RAB3C: variants seen among roughly 807,000 people sequenced by gnomAD.
RAB3C encodes RAB3C, member RAS oncogene family, also known as ras-related protein Rab-3C.
In RAB3C, 17 loss-of-function variants were observed where a neutral mutation model predicts 26.4. That is an observed-to-expected ratio of 0.64 (90% CI 0.44 to 0.97). The LOEUF (loss-of-function observed/expected upper bound fraction) is 0.97. Among genes scored for constraint, RAB3C ranks in the 50% least tolerant of loss-of-function variants. The pLI is 0.00. For missense variants in RAB3C, 242 were observed against 281.9 expected, an observed-to-expected ratio of 0.86 and a Z score of 1.01; for synonymous variants, 91 against 95.9, an observed-to-expected ratio of 0.95 and a Z score of 0.30.
intron 3 of RAB3C, among the ~76,000 whole-genome samples, chr5:58,739,466 C>A (rs77311750): frequency 1.3e-5 from 2 of 152,014 alleles, no homozygotes; most frequent in Non-Finnish European, 2.9e-5. Flanking sequence ...AGATAATTAT[C>A]CTAGTTATCA....
In RAB3C at chr5:58,844,405, C is replaced by T. The variant is rs945152070; in HGVS notation, c.497-6759C>T. Among the ~76,000 whole-genome samples the T allele has an allele frequency of 1.1e-4, 16 of 152,318 alleles. 1 individual carries two copies. The East Asian group carries it at 3.1e-3, about 29-fold the overall frequency. ...ACTAGCCTTTGGTTGAGCTCCTATT[C>T]TTGCTTTTCTACAGCTTTGGTCTGC... On this transcript the variant is annotated intron_variant, in intron 4 of 4. Coordinates refer to ENST00000282878, the MANE Select transcript of RAB3C (RefSeq NM_138453.4).
At chr5:58,739,034 A>G (rs1414991113) in intron 3 of RAB3C, among the ~76,000 whole-genome samples, 1 of 152,244 alleles carries the variant, frequency 6.6e-6, no homozygotes, top group Non-Finnish European at 1.5e-5. Flanking sequence ...GGTGGGCATT[A>G]TAATGATTGC....
Position 58,699,193 on chromosome 5 carries a change from G to A in RAB3C, c.253-26809G>A, listed in dbSNP as rs546479806. On this transcript the variant is annotated intron_variant, in intron 2 of 4. Transcript: ENST00000282878. ...CTTATAACAGTCAGGTTCCTCAGCT[G>A]CAGGTCTGTTGGAGTTTGCTGGAGT... 1.8e-4 allele frequency among the ~76,000 whole-genome samples: 27 copies of A among 152,302 alleles called. 1 individual carries two copies. The East Asian group carries it at 2.9e-3, about 16-fold the overall frequency.
chr5:58,766,718 A>G (rs908289025), intron 3 of RAB3C, among the ~76,000 whole-genome samples: 3 of 152,158 alleles, frequency 2.0e-5, no homozygotes, highest in Non-Finnish European at 4.4e-5. Context: ...GTAGGTAGAT[A>G]GAGCTCAGCT....
chr5:58,660,957 G>A (rs1225536463), intron 2 of RAB3C, among the ~76,000 whole-genome samples: 2 of 149,612 alleles, frequency 1.3e-5, no homozygotes, highest in South Asian at 2.1e-4. Flanking sequence ...AGGAGCACAT[G>A]CAAATTAGGT....
rs140954783 is a variant in RAB3C at position 58,724,735 on chromosome 5, G to A, written c.253-1267G>A. 1.3e-3 allele frequency among the ~76,000 whole-genome samples: 192 copies of A among 151,088 alleles called. 1 individual carries two copies. The highest frequency in any genetic ancestry group is 3.6e-3 in the Admixed American group (55 of 15,108). Reference sequence around the variant, plus strand: ...AGAACTGCAATATAAAAATCATTAGGACATAAAAGTGGTTTAAAAGAGGTA... The same window carrying A: ...AGAACTGCAATATAAAAATCATTAGAACATAAAAGTGGTTTAAAAGAGGTA... On this transcript the variant is annotated intron_variant, in intron 2 of 4. Transcript: ENST00000282878.
chr5:58,809,704 G>C (rs1291988503), intron 3 of RAB3C, among the ~76,000 whole-genome samples: 1 of 152,124 alleles, frequency 6.6e-6, no homozygotes, highest in East Asian at 1.9e-4. Context: ...ACACACCACT[G>C]TGGGATTAGT....
chr5:58,716,148 A>T (rs867913475), intron 2 of RAB3C, among the ~76,000 whole-genome samples: 3 of 151,918 alleles, frequency 2.0e-5, no homozygotes, highest in Non-Finnish European at 4.4e-5. Context: ...AGAATAGACA[A>T]GTAAGATGAG....
intron 2 of RAB3C, among the ~76,000 whole-genome samples, chr5:58,630,774 A>T (rs1193620470): frequency 1.3e-5 from 2 of 152,256 alleles, no homozygotes; most frequent in Non-Finnish European, 2.9e-5. Flanking sequence ...TTTCAATACC[A>T]CTGCTCTAGA....
chr5:58,665,411 G>C (rs1561282872), intron 2 of RAB3C, among the ~76,000 whole-genome samples: 1 of 152,122 alleles, frequency 6.6e-6, no homozygotes, highest in Non-Finnish European at 1.5e-5. Context: ...ACTTCTTTCA[G>C]TTGCAATATA....
At chr5:58,844,491 AG>A (rs752726111) in intron 4 of RAB3C, among the ~76,000 whole-genome samples, 2 of 152,128 alleles carry the variant, frequency 1.3e-5, no homozygotes, top group Non-Finnish European at 2.9e-5. Context: ...CTCTTCCTAA[AG>A]CCTGTCTCTG....
At chr5:58,621,834 C>T (rs761862655) in intron 2 of RAB3C, among the ~76,000 whole-genome samples, 31 of 152,130 alleles carry the variant, frequency 2.0e-4, no homozygotes, top group Non-Finnish European at 3.7e-4. Flanking sequence ...CCTCAGCCTC[C>T]CAAAGTGCTG....
At chr5:58,674,304 A>G (rs1430036397) in intron 2 of RAB3C, among the ~76,000 whole-genome samples, 1 of 152,210 alleles carries the variant, frequency 6.6e-6, no homozygotes, top group Non-Finnish European at 1.5e-5. Context: ...ACTCTTCAGG[A>G]ACTAGATTTA....
In RAB3C at chr5:58,825,072, G is replaced by A; in HGVS notation, c.406G>A (p.Ala136Thr). The A allele has an allele frequency of 6.2e-7, 1 of 1,612,920 alleles. No individual in the cohort carries two copies. Among genetic ancestry groups the A allele is most frequent in the East Asian group, 2.2e-5 (1 of 44,798 alleles). Residue 136 changes from alanine to threonine, a missense_variant, in exon 4 of 5, where the codon GCC becomes ACC. Ala to Thr is a moderately conservative substitution (Grantham distance 58, BLOSUM62 0). Transcript: ENST00000282878. The part of the protein sequence containing the change: ...TQIKTYSWDN[A>T]QVILVGNKCD... Reference sequence around the variant, plus strand: ...AATCAAAACATACTCTTGGGACAATGCCCAAGTTATTCTGGTTGGGAACAA... The same window carrying A: ...AATCAAAACATACTCTTGGGACAATACCCAAGTTATTCTGGTTGGGAACAA...
intron 2 of RAB3C, among the ~76,000 whole-genome samples, chr5:58,705,336 A>G (rs1307411822): frequency 6.6e-6 from 1 of 152,210 alleles, no homozygotes; most frequent in Non-Finnish European, 1.5e-5. Context: ...CCAATTGGAA[A>G]GAAGTGCCCA....
At chr5:58,840,316 G>A (rs1743850054) in intron 4 of RAB3C, among the ~76,000 whole-genome samples, 1 of 151,892 alleles carries the variant, frequency 6.6e-6, no homozygotes, top group South Asian at 2.1e-4. Flanking sequence ...TAAGGTTTCT[G>A]TCTTGTTCTT....
intron 3 of RAB3C, among the ~76,000 whole-genome samples, chr5:58,729,784 ATATT>A (rs2111926808): frequency 6.8e-6 from 1 of 146,602 alleles, no homozygotes; most frequent in South Asian, 2.1e-4. Flanking sequence ...TACTATATGT[ATATT>A]TATATTATAT....
chr5:58,758,752 A>G (rs1441054202), intron 3 of RAB3C, among the ~76,000 whole-genome samples: 1 of 152,266 alleles, frequency 6.6e-6, no homozygotes, highest in Non-Finnish European at 1.5e-5. Context: ...AAAGTAACAT[A>G]GAGGCCAGTG....
At position 58,851,488 on chromosome 5, in the gene RAB3C, T is replaced by C. The variant is rs947252278; in HGVS notation, c.*137T>C. 1 of 618,006 alleles carries C rather than the reference T, an allele frequency of 1.6e-6. No individual in the cohort carries two copies. The highest frequency in any genetic ancestry group is 1.9e-5 in the African/African-American group (1 of 53,750). The allele number at this position is 618,006 out of a possible 1,614,324, so 38.3% of individuals were successfully genotyped here. On this transcript the variant is annotated 3_prime_UTR_variant, in exon 5 of 5. Transcript: ENST00000282878. ...ATTGATGTCAATGGCTCGTACGCATTCAATTCTTGGGAGCTTTCCTGTTTA... is the reference window on the plus strand; with the variant it reads ...ATTGATGTCAATGGCTCGTACGCATCCAATTCTTGGGAGCTTTCCTGTTTA...
Sources: allele counts gnomAD v4.1 joint callset (sites outside exome capture counted in the v4.1 genomes callset), GRCh38; gene constraint gnomAD v4.1.1; transcripts MANE v1.5; gene names NCBI Gene and HGNC (gene_info 2026-07-23, HGNC 2026-07-21).